Variants in SH3RF1 observed in about 807,000 individuals in gnomAD.
SH3RF1 encodes E3 ubiquitin-protein ligase SH3RF1.
In SH3RF1, 32 loss-of-function variants were observed where a neutral mutation model predicts 74.0. The ratio of observed to expected loss-of-function variants is 0.43; its 90% CI spans 0.33 to 0.58. The LOEUF (loss-of-function observed/expected upper bound fraction) is 0.58, where lower values mean the gene tolerates loss of function less well. Among genes scored for constraint, SH3RF1 ranks in the 20% least tolerant of loss-of-function variants. The pLI is 0.05. For missense variants in SH3RF1, 954 were observed against 1,130.9 expected (o/e 0.84, Z 2.24); for synonymous variants, 396 against 439.6 (o/e 0.90, Z 1.24).
rs574259132 is a variant in SH3RF1 at position 169,269,197 on chromosome 4, A to C, written c.16T>G (p.Leu6Val). 21 of 1,583,106 alleles carry C rather than the reference A, an allele frequency of 1.3e-5. No individual in the cohort carries two copies. The highest frequency in any genetic ancestry group is 1.7e-4 in the Middle Eastern group (1 of 5,932). Reference protein sequence around the residue: MDESALLDLLECPVCL... With the variant: MDESAVLDLLECPVCL... ...ACCGGACACTCCAAAAGATCCAACA[A>C]GGCTGATTCATCCATCTTTATCTAC... Residue 6 changes from leucine (L) to valine (V), a missense_variant, in exon 2 of 12, where the codon TTG becomes GTG. This residue lies in a region of SH3RF1 where 64 missense variants were observed against 101.9 expected (regional missense o/e 0.63). Coordinates refer to ENST00000284637, the MANE Select transcript of SH3RF1 (RefSeq NM_020870.4).
chr4:169,167,606 CAT>C (rs1246160837), intron 2 of SH3RF1, among the ~76,000 whole-genome samples: 3 of 151,918 alleles, frequency 2.0e-5, no homozygotes, highest in Admixed American at 2.0e-4. Flanking sequence ...ATTACTGACA[CAT>C]GTGAGTAAAA....
chr4:169,120,965 A>T lies in SH3RF1; in HGVS notation c.1371T>A (p.Thr457=), dbSNP rs779791478. The T allele has an allele frequency of 6.2e-7, 1 of 1,614,040 alleles. No individual in the cohort carries two copies. Among genetic ancestry groups the T allele is most frequent in the South Asian group, 1.1e-5 (1 of 91,088 alleles). ...PSVYVAIYPY[T]PRKEDELELR... is the part of the protein sequence containing the mutation. ...GCTCTAGTTCATCCTCTTTCCGAGG[A>T]GTGTATGGATATATAGCAACATACC... is the stretch of plus-strand genomic sequence containing the variant. Residue 457 remains threonine, a synonymous_variant, in exon 8 of 12, where the codon ACT becomes ACA. Coordinates refer to ENST00000284637, the MANE Select transcript of SH3RF1 (RefSeq NM_020870.4).
intron 2 of SH3RF1, among the ~76,000 whole-genome samples, chr4:169,172,629 AT>A: frequency 6.6e-6 from 1 of 152,262 alleles, no homozygotes; most frequent in African/African-American, 2.4e-5. Context: ...GTCAACTATT[AT>A]GGTTCACATT....
At position 169,117,721 on chromosome 4, in the gene SH3RF1, C is replaced by T. The variant is rs891932333; in HGVS notation, c.1579G>A (p.Gly527Arg). Residue 527 changes from glycine (G) to arginine (R), a missense_variant, in exon 9 of 12, where the codon GGA (glycine) becomes AGA (arginine). Gly to Arg is a moderately radical substitution (Grantham distance 125). Transcript: ENST00000284637. The stretch of plus-strand genomic sequence containing the variant: ...GTGGAAGGACTGACCATGGTCACTC[C>T]CCGACTTGTCTGGCCAGCTGTAGAC... ...PMSTAGQTSR[G>R]VTMVSPSTAG... The T allele has an allele frequency of 1.2e-6, 2 of 1,614,194 alleles. No homozygotes were observed. The highest frequency in any genetic ancestry group is 1.3e-5 in the African/African-American group (1 of 75,058).
chr4:169,231,266 C>G (rs1288439197), intron 2 of SH3RF1, among the ~76,000 whole-genome samples: 1 of 152,122 alleles, frequency 6.6e-6, no homozygotes, highest in Non-Finnish European at 1.5e-5. Flanking sequence ...ATTTGTTACT[C>G]ATAAATAAAA....
chr4:169,188,172 T>C (rs1402790584), intron 2 of SH3RF1, among the ~76,000 whole-genome samples: 2 of 152,200 alleles, frequency 1.3e-5, no homozygotes, highest in African/African-American at 4.8e-5. Flanking sequence ...TAAATTTCTG[T>C]TGTTTTAATC....
At chr4:169,214,207 G>C (rs1730425116) in intron 2 of SH3RF1, among the ~76,000 whole-genome samples, 1 of 152,098 alleles carries the variant, frequency 6.6e-6, no homozygotes, top group African/African-American at 2.4e-5. Context: ...ACGAGATCTG[G>C]CTGTTTAAAA....
rs551559657 is a variant in SH3RF1 at position 169,117,101 on chromosome 4, G to T, written c.1777+422C>A. 1.5e-3 allele frequency among the ~76,000 whole-genome samples: 225 copies of T among 152,256 alleles called. 2 individuals carry two copies. Among genetic ancestry groups the T allele is most frequent in the Non-Finnish European group, 2.8e-3 (188 of 68,024 alleles). On this transcript the variant is annotated intron_variant, in intron 9 of 11. Transcript: ENST00000284637. Reference sequence around the variant, plus strand: ...CCCAAGACTCTTGGGAAGGTTTTCAGTGCTACAGAACTAAGAAAGCTGTTT... The same window carrying T: ...CCCAAGACTCTTGGGAAGGTTTTCATTGCTACAGAACTAAGAAAGCTGTTT...
chr4:169,225,183 G>A (rs1730637923), intron 2 of SH3RF1, among the ~76,000 whole-genome samples: 2 of 152,170 alleles, frequency 1.3e-5, no homozygotes, highest in Admixed American at 1.3e-4. Flanking sequence ...AGGGATGACA[G>A]GGACATGACC....
intron 2 of SH3RF1, among the ~76,000 whole-genome samples, chr4:169,185,896 C>G (rs1579125937): frequency 1.3e-5 from 2 of 152,234 alleles, no homozygotes; most frequent in Admixed American, 6.5e-5. Flanking sequence ...AATGGGGAGG[C>G]AGGATTCCAA....
chr4:169,125,169 T>A (rs1024343550), intron 6 of SH3RF1, among the ~76,000 whole-genome samples: 1 of 152,222 alleles, frequency 6.6e-6, no homozygotes, highest in African/African-American at 2.4e-5. Context: ...AGAGACAGTG[T>A]TACATCACTG....
At chr4:169,165,525 T>G (rs1030247363) in intron 2 of SH3RF1, among the ~76,000 whole-genome samples, 1 of 147,954 alleles carries the variant, frequency 6.8e-6, no homozygotes, top group African/African-American at 2.5e-5. Context: ...CTTAAAAAAC[T>G]AAAAAAACAA....
intron 2 of SH3RF1, among the ~76,000 whole-genome samples, chr4:169,217,845 C>T (rs917680632): frequency 1.3e-5 from 2 of 152,050 alleles, no homozygotes; most frequent in African/African-American, 2.4e-5. Flanking sequence ...AAGTCTTATG[C>T]ACATTTTACC....
At chr4:169,156,161 T>A (rs1734046862) in intron 3 of SH3RF1, among the ~76,000 whole-genome samples, 1 of 152,148 alleles carries the variant, frequency 6.6e-6, no homozygotes, top group South Asian at 2.1e-4. Flanking sequence ...AAATTCAGAC[T>A]CTAAATATGA....
Position 169,156,469 on chromosome 4 carries a change from T to TCACTTCAAA in SH3RF1, c.603_604insTTTGAAGTG (p.Cys201_Lys202insPheGluVal). On this transcript the variant is annotated inframe_insertion, in exon 3 of 12. Transcript: ENST00000284637. Reference sequence around the variant, plus strand: ...TTCACTTCAAAGTCATAAAGTGCTTTGCACTGAGGTGGGGGCTGAGGTAAC... The same window carrying TCACTTCAAA: ...TTCACTTCAAAGTCATAAAGTGCTTTCACTTCAAAGCACTGAGGTGGGGGCTGAGGTAAC... 1 of 1,613,118 alleles carries TCACTTCAAA rather than the reference T, an allele frequency of 6.2e-7. No homozygotes were observed. Among genetic ancestry groups the TCACTTCAAA allele is most frequent in the Non-Finnish European group, 8.5e-7 (1 of 1,179,212 alleles).
At chr4:169,242,417 A>G (rs981368671) in intron 2 of SH3RF1, among the ~76,000 whole-genome samples, 5 of 152,248 alleles carry the variant, frequency 3.3e-5, no homozygotes, top group African/African-American at 1.2e-4. Flanking sequence ...TATTAAATTC[A>G]TATGTCCTAA....
At chr4:169,259,064 T>C (rs1032687890) in intron 2 of SH3RF1, among the ~76,000 whole-genome samples, 15 of 152,294 alleles carry the variant, frequency 9.8e-5, no homozygotes, top group Middle Eastern at 3.4e-3. Context: ...AACTTTAGCT[T>C]TCTTTCTGTA....
In SH3RF1 at chr4:169,117,725, A is replaced by C; in HGVS notation, c.1575T>G (p.Ser525Arg). 1 of 1,614,128 alleles carries C rather than the reference A, an allele frequency of 6.2e-7. No homozygotes were observed. The highest frequency in any genetic ancestry group is 8.5e-7 in the Non-Finnish European group (1 of 1,180,022). Residue 525 changes from serine to arginine, a missense_variant, in exon 9 of 12, where the codon AGT (serine) becomes AGG (arginine). Transcript: ENST00000284637. ...KVPMSTAGQT[S>R]RGVTMVSPST... ...AAGGACTGACCATGGTCACTCCCCGACTTGTCTGGCCAGCTGTAGACATAG... is the reference window on the plus strand; with the variant it reads ...AAGGACTGACCATGGTCACTCCCCGCCTTGTCTGGCCAGCTGTAGACATAG...
intron 2 of SH3RF1, among the ~76,000 whole-genome samples, chr4:169,215,630 T>C (rs1252061318): frequency 1.3e-5 from 2 of 152,228 alleles, no homozygotes; most frequent in African/African-American, 4.8e-5. Flanking sequence ...TATAGACCTA[T>C]ACAGATTGTC....
Sources: allele counts gnomAD v4.1 joint callset (sites outside exome capture counted in the v4.1 genomes callset), GRCh38; gene constraint gnomAD v4.1.1; regional missense constraint gnomAD v4.1.1; transcripts MANE v1.5; gene names NCBI Gene and HGNC (gene_info 2026-07-23, HGNC 2026-07-21).